The following SNTG1 variants were observed in gnomAD, a reference collection of about 807,000 sequenced individuals.
The protein encoded by SNTG1 is syntrophin gamma 1, also known as gamma-1-syntrophin.
A neutral mutation model predicts 74.7 loss-of-function variants in SNTG1; 39 were observed. That is an observed-to-expected ratio of 0.52 (90% confidence interval 0.40 to 0.68). SNTG1 has a LOEUF of 0.68. Ranked by LOEUF, SNTG1 falls within the 30% of genes least tolerant of loss-of-function variation. The pLI, the probability that SNTG1 is intolerant of heterozygous loss-of-function variation, is 0.00. For synonymous variants in SNTG1, 254 were observed against 217.1 expected (o/e 1.17, Z -1.49); for missense variants, 685 against 609.5 (o/e 1.12, Z -1.30).
chr8:50,042,580 A>G (rs2130824893), intron 1 of SNTG1, among the ~76,000 whole-genome samples: 1 of 152,166 alleles, frequency 6.6e-6, no homozygotes. Context: ...AAGATAAAGA[A>G]AAAAACCTGG....
At chr8:49,972,786 G>A (rs1811820593) in intron 1 of SNTG1, among the ~76,000 whole-genome samples, 1 of 152,178 alleles carries the variant, frequency 6.6e-6, no homozygotes, top group African/African-American at 2.4e-5. Context: ...CTGGCCATCA[G>A]AGAAACGCAA....
At chr8:50,637,176 T>G (rs181372256) in intron 13 of SNTG1, among the ~76,000 whole-genome samples, 23 of 152,304 alleles carry the variant, frequency 1.5e-4, no homozygotes, top group Non-Finnish European at 3.1e-4. Context: ...ACTGTATTTG[T>G]CATTTTAATT....
intron 2 of SNTG1, among the ~76,000 whole-genome samples, chr8:50,188,292 A>G (rs759831770): frequency 4.6e-5 from 7 of 152,088 alleles, no homozygotes; most frequent in Non-Finnish European, 8.8e-5. Flanking sequence ...CAGCTCATGA[A>G]TCATTGTAGT....
chr8:50,701,790 C>A (rs1245104804), intron 15 of SNTG1, among the ~76,000 whole-genome samples: 1 of 146,586 alleles, frequency 6.8e-6, no homozygotes, highest in Non-Finnish European at 1.5e-5. Flanking sequence ...TCCTCTTCCT[C>A]CTCCTCCTCC....
At chr8:50,313,339 T>G (rs536233457) in intron 2 of SNTG1, among the ~76,000 whole-genome samples, 1 of 149,622 alleles carries the variant, frequency 6.7e-6, no homozygotes, top group East Asian at 2.0e-4. Context: ...CTAGAAAGCT[T>G]CCGCACTGCA....
chr8:50,175,624 G>T (rs1218334230), intron 2 of SNTG1, among the ~76,000 whole-genome samples: 6 of 152,146 alleles, frequency 3.9e-5, no homozygotes, highest in African/African-American at 1.4e-4. Flanking sequence ...ATTGTGCAAA[G>T]GTTTCAAAGT....
intron 2 of SNTG1, among the ~76,000 whole-genome samples, chr8:50,368,569 G>A (rs1008617471): frequency 6.6e-6 from 1 of 152,082 alleles, no homozygotes; most frequent in African/African-American, 2.4e-5. Flanking sequence ...CAGAAGCCAG[G>A]AACAGCAAAT....
At chr8:50,761,888 G>A (rs1440578387) in intron 18 of SNTG1, among the ~76,000 whole-genome samples, 1 of 151,934 alleles carries the variant, frequency 6.6e-6, no homozygotes, top group Non-Finnish European at 1.5e-5. Context: ...TCAATAAAAT[G>A]TAAGAAGTGT....
In SNTG1 at chr8:50,478,150, C is replaced by T. The variant is rs573805870; in HGVS notation, c.364-24628C>T. ...TCATCTGGCATATCAGCTCTTCTAC[C>T]AGCTTCAGGAAGGAACCTCCAGACA... On this transcript the variant is annotated intron_variant, in intron 8 of 18. Coordinates refer to ENST00000642720, the MANE Select transcript of SNTG1 (RefSeq NM_018967.5). 3.8e-4 allele frequency among the ~76,000 whole-genome samples: 58 copies of T among 152,216 alleles called. 2 individuals carry two copies. In the South Asian group the frequency reaches 0.011, roughly 29 times the overall value.
At chr8:50,177,518 T>C (rs2083043278) in intron 2 of SNTG1, among the ~76,000 whole-genome samples, 1 of 152,196 alleles carries the variant, frequency 6.6e-6, no homozygotes, top group African/African-American at 2.4e-5. Context: ...GTACAGTGTC[T>C]GCTCCAACCC....
intron 13 of SNTG1, among the ~76,000 whole-genome samples, chr8:50,644,800 T>C (rs1234509603): frequency 1.3e-5 from 2 of 152,172 alleles, no homozygotes; most frequent in African/African-American, 4.8e-5. Context: ...AGGAGTGTTG[T>C]GGGGTGACAG....
At chr8:49,914,270 GC>G (rs1376278960) in intron 1 of SNTG1, among the ~76,000 whole-genome samples, 9 of 151,882 alleles carry the variant, frequency 5.9e-5, no homozygotes, top group Non-Finnish European at 4.4e-5. Flanking sequence ...CCCACTAAGG[GC>G]ATCTATTTGC....
intron 1 of SNTG1, among the ~76,000 whole-genome samples, chr8:50,047,423 T>A (rs1479953873): frequency 6.6e-6 from 1 of 152,124 alleles, no homozygotes; most frequent in African/African-American, 2.4e-5. Context: ...TATAAACTTA[T>A]ATTTTTTCAT....
chr8:50,109,145 T>A (rs1156862851), intron 1 of SNTG1, among the ~76,000 whole-genome samples: 1 of 152,136 alleles, frequency 6.6e-6, no homozygotes, highest in Non-Finnish European at 1.5e-5. Context: ...TTCTGGAAGT[T>A]CATAGGAAGC....
chr8:50,047,776 T>C (rs1226201426), intron 1 of SNTG1, among the ~76,000 whole-genome samples: 2 of 152,148 alleles, frequency 1.3e-5, no homozygotes, highest in Admixed American at 6.5e-5. Context: ...GGGTGTCACA[T>C]GCTAAGTTAA....
intron 1 of SNTG1, among the ~76,000 whole-genome samples, chr8:50,062,834 T>G (rs953597008): frequency 2.0e-5 from 3 of 152,228 alleles, no homozygotes; most frequent in African/African-American, 4.8e-5. Context: ...ATTTTGTATT[T>G]TATTTCCATA....
intron 9 of SNTG1, among the ~76,000 whole-genome samples, chr8:50,529,581 G>A (rs1481420015): frequency 6.6e-6 from 1 of 151,890 alleles, no homozygotes; most frequent in African/African-American, 2.4e-5. Flanking sequence ...GGAAATCTTA[G>A]AAAATGACAA....
intron 1 of SNTG1, among the ~76,000 whole-genome samples, chr8:50,042,585 AC>A (rs1045447717): frequency 5.3e-5 from 8 of 152,022 alleles, no homozygotes; most frequent in African/African-American, 1.9e-4. Context: ...AAAGAAAAAA[AC>A]CTGGTGGAAC....
intron 1 of SNTG1, among the ~76,000 whole-genome samples, chr8:50,162,731 C>T (rs772841559): frequency 1.8e-4 from 27 of 152,030 alleles, no homozygotes; most frequent in Non-Finnish European, 2.9e-4. Context: ...GAAGCTGAGT[C>T]CTCTGTCCTG....
Sources: allele counts gnomAD v4.1 joint callset (sites outside exome capture counted in the v4.1 genomes callset), GRCh38; gene constraint gnomAD v4.1.1; transcripts MANE v1.5; gene names NCBI Gene and HGNC (gene_info 2026-07-23, HGNC 2026-07-21).